PCNX2: variants seen among roughly 807,000 people sequenced by gnomAD.
PCNX2 encodes the protein pecanex-like protein 2.
PCNX2 carries 168 observed loss-of-function variants against 223.8 expected under a neutral mutation model. The observed-to-expected ratio is 0.75, with a 90% confidence interval of 0.66 to 0.85. PCNX2 has a LOEUF of 0.85. Ranked by LOEUF, PCNX2 falls within the 40% of genes least tolerant of loss-of-function variation. PCNX2 has a pLI of 0.00. For synonymous variants in PCNX2, 1,006 were observed against 1,052.6 expected, an observed-to-expected ratio of 0.96 and a Z score of 0.86; for missense variants, 2,507 against 2,675.5, an observed-to-expected ratio of 0.94 and a Z score of 1.39.
At chr1:233,008,495 C>A (rs1011197941) in intron 28 of PCNX2, among the ~76,000 whole-genome samples, 3 of 152,164 alleles carry the variant, frequency 2.0e-5, no homozygotes, top group African/African-American at 7.2e-5. Flanking sequence ...TACTGCCAGG[C>A]ATATTTAGAG....
intron 21 of PCNX2, 78 bp downstream of exon 21, chr1:233,134,935 G>C (rs776744817): frequency 4.0e-6 from 5 of 1,256,336 alleles, no homozygotes; most frequent in South Asian, 3.9e-5. Context: ...TAAAGAATAA[G>C]TTTTAAACTC....
chr1:233,182,958 C>T (rs1169202388), intron 15 of PCNX2, among the ~76,000 whole-genome samples: 1 of 152,108 alleles, frequency 6.6e-6, no homozygotes, highest in Non-Finnish European at 1.5e-5. Flanking sequence ...CAGAGAGCAC[C>T]TGCCCACAGG....
rs575051310 is a variant in PCNX2, at chr1:233,055,181, TGCTTA to T, written c.4136-703_4136-699del. On this transcript the variant is annotated intron_variant, in intron 24 of 33. Coordinates refer to ENST00000258229, the MANE Select transcript of PCNX2 (RefSeq NM_014801.4). ...ACTCTCCCCATTTCTCTTGAGTAAA[TGCTTA>T]GGAGCAGGACTGCTGTTCTCCAAAG... is the stretch of plus-strand genomic sequence containing the variant. Among the ~76,000 whole-genome samples, 12 of 152,332 alleles carry T rather than the reference TGCTTA, an allele frequency of 7.9e-5. No individual in the cohort carries two copies. The East Asian group carries it at 2.3e-3, about 29-fold the overall frequency.
intron 21 of PCNX2, among the ~76,000 whole-genome samples, chr1:233,122,932 T>C (rs1365271616): frequency 1.3e-5 from 2 of 152,132 alleles, no homozygotes; most frequent in African/African-American, 2.4e-5. Flanking sequence ...CAAATCCCAG[T>C]TGAGGGACAG....
chr1:232,998,836 G>C (rs1391162860), intron 31 of PCNX2, among the ~76,000 whole-genome samples: 1 of 152,222 alleles, frequency 6.6e-6, no homozygotes, highest in African/African-American at 2.4e-5. Context: ...TACTGCTAAA[G>C]ACTCATAACC....
In PCNX2 at chr1:233,227,290, T is replaced by C; in HGVS notation, c.2440A>G (p.Ile814Val). The C allele has an allele frequency of 1.9e-6, 3 of 1,613,362 alleles. No homozygotes were observed. The highest frequency in any genetic ancestry group is 2.5e-6 in the Non-Finnish European group (3 of 1,179,556). Reference sequence around the variant, plus strand: ...ACTTTAATCCACTTGCCAGGGAAAATGATAAATTTGTAAAACTGCTCTCGG... The same window carrying C: ...ACTTTAATCCACTTGCCAGGGAAAACGATAAATTTGTAAAACTGCTCTCGG... ...FNREQFYKFI[I>V]FPGKWIKVWY... Residue 814 changes from isoleucine to valine, a missense_variant, in exon 10 of 34, where the codon ATT (isoleucine) becomes GTT (valine). By Grantham distance (29) the Ile-to-Val change is conservative (BLOSUM62 3). Around this residue, in one of 3 missense-constraint regions of PCNX2, gnomAD observed 1,031 missense variants for 1,021.7 expected, o/e 1.01. Coordinates refer to ENST00000258229, the MANE Select transcript of PCNX2 (RefSeq NM_014801.4).
At chr1:233,251,119 C>T (rs1659426469) in intron 7 of PCNX2, among the ~76,000 whole-genome samples, 1 of 152,120 alleles carries the variant, frequency 6.6e-6, no homozygotes. Flanking sequence ...TTTTGATAGA[C>T]TTATTTGTAT....
the PCNX2 span, among the ~76,000 whole-genome samples, chr1:233,306,997 G>T: frequency 6.6e-6 from 1 of 152,102 alleles, no homozygotes; most frequent in East Asian, 1.9e-4. Context: ...TTATGGTAAA[G>T]TTATCAAAAT....
At chr1:233,249,927 T>C (rs976710517) in intron 8 of PCNX2, among the ~76,000 whole-genome samples, 1 of 152,158 alleles carries the variant, frequency 6.6e-6, no homozygotes, top group African/African-American at 2.4e-5. Context: ...GAATTTCCCA[T>C]AAACCCTTGG....
At chr1:233,092,618 T>G (rs78116949) in intron 22 of PCNX2, among the ~76,000 whole-genome samples, 3,413 of 152,090 alleles carry the variant, frequency 0.022, 42 homozygotes, top group East Asian at 0.042. Context: ...AATATGAAAG[T>G]CTGTCACTAC....
chr1:233,213,195 AT>A (rs1411473840), intron 12 of PCNX2, among the ~76,000 whole-genome samples: 1 of 152,100 alleles, frequency 6.6e-6, no homozygotes, highest in Non-Finnish European at 1.5e-5. Flanking sequence ...CTCACCCTAT[AT>A]ATTTTTTTAA....
At chr1:233,183,476 T>C (rs1375681146) in intron 15 of PCNX2, among the ~76,000 whole-genome samples, 1 of 152,222 alleles carries the variant, frequency 6.6e-6, no homozygotes, top group East Asian at 1.9e-4. Flanking sequence ...ATTGAGTAGC[T>C]TACATCAAAT....
At chr1:233,164,076 A>T (rs2102828152) in intron 17 of PCNX2, among the ~76,000 whole-genome samples, 1 of 152,330 alleles carries the variant, frequency 6.6e-6, no homozygotes, top group Admixed American at 6.5e-5. Flanking sequence ...TGGCTGGGTT[A>T]TGTAGTAGGT....
rs565515572 is a variant in PCNX2 at position 233,066,664 on chromosome 1, G to A, written c.4077-9374C>T. The stretch of plus-strand genomic sequence containing the variant: ...ATTTTACCCAGGATATGGGATCCAG[G>A]CCAGTAGCGCAAACCAAGCACGGCC... On this transcript the variant is annotated intron_variant, in intron 23 of 33. Coordinates refer to ENST00000258229, the MANE Select transcript of PCNX2 (RefSeq NM_014801.4). 8.5e-5 allele frequency among the ~76,000 whole-genome samples: 13 copies of A among 152,310 alleles called. No homozygotes were observed. In the East Asian group the frequency reaches 2.5e-3, roughly 29 times the overall value.
chr1:233,259,107 G>A lies in PCNX2; in HGVS notation c.755C>T (p.Pro252Leu). 6.2e-7 allele frequency: 1 copy of A among 1,613,956 alleles called. No individual in the cohort carries two copies. Residue 252 changes from proline (P) to leucine (L), a missense_variant, in exon 5 of 34, where the codon CCC becomes CTC. Coordinates refer to ENST00000258229, the MANE Select transcript of PCNX2 (RefSeq NM_014801.4). ...RSEGGLVDKGPLKKLPHLSLS... is the reference protein window; with the variant it reads ...RSEGGLVDKGLLKKLPHLSLS... ...AGACAGGTGGGGCAACTTCTTCAAG[G>A]GTCCCTTATCCACTAAGCCACCCTC...
intron 10 of PCNX2, among the ~76,000 whole-genome samples, chr1:233,221,141 G>T (rs1261689683): frequency 1.3e-5 from 2 of 151,936 alleles, no homozygotes; most frequent in Non-Finnish European, 2.9e-5. Flanking sequence ...AGATAACATA[G>T]AAATATATAG....
At chr1:233,143,729 C>G (rs1288303517) in intron 19 of PCNX2, among the ~76,000 whole-genome samples, 1 of 152,144 alleles carries the variant, frequency 6.6e-6, no homozygotes, top group African/African-American at 2.4e-5. Context: ...ATGTCTATCC[C>G]TTCTTTTCTG....
chr1:233,004,001 G>T (rs1339664803), intron 28 of PCNX2, among the ~76,000 whole-genome samples: 5 of 152,128 alleles, frequency 3.3e-5, no homozygotes, highest in Non-Finnish European at 7.3e-5. Context: ...GGGGCCTGTT[G>T]GAGGGTGAGG....
chr1:233,295,927 TCTC>T (rs1207733868), upstream of PCNX2, among the ~76,000 whole-genome samples: 50 of 146,182 alleles, frequency 3.4e-4, no homozygotes, highest in Non-Finnish European at 6.1e-4. This position sits in a 1 kb window ranked among gnomAD's most constrained non-coding sequence, Gnocchi z 4.1. Flanking sequence ...TCCCTCTCTC[TCTC>T]TTTCTTCCTT....
Sources: gnomAD v4.1 joint callset for allele counts (sites outside exome capture counted in the v4.1 genomes callset) on GRCh38, gnomAD v4.1.1 for gene constraint, gnomAD v4.1.1 regional missense constraint, Gnocchi (gnomAD v3.1) non-coding constraint, MANE v1.5 for transcripts, NCBI Gene and HGNC (gene_info 2026-07-23, HGNC 2026-07-21) for gene names.